PAPPA2: variants seen among roughly 807,000 people sequenced by gnomAD.
PAPPA2 encodes the protein pappalysin-2.
A neutral mutation model predicts 176.4 loss-of-function variants in PAPPA2; 86 were observed. The ratio of observed to expected loss-of-function variants is 0.49; its 90% CI spans 0.41 to 0.58. The LOEUF (loss-of-function observed/expected upper bound fraction) is 0.58. Ranked by LOEUF, PAPPA2 falls within the 20% of genes least tolerant of loss-of-function variation. PAPPA2 has a pLI of 0.00. For missense variants in PAPPA2, 2,073 were observed against 2,256.9 expected, an observed-to-expected ratio of 0.92 and a Z score of 1.65; for synonymous variants, 809 against 852.2, an observed-to-expected ratio of 0.95 and a Z score of 0.88.
rs1664141286 is a variant in PAPPA2 at position 176,769,774 on chromosome 1, C to T, written c.4491C>T (p.Ala1497=). ...KRCSISCVPP[A]KLQGLSPWLT... ...GCTCAATCTCTTGTGTCCCACCAGC[C>T]AAGCTGCAAGGTATTGTCTGGTCAA... Residue 1497 remains alanine, a synonymous_variant, in exon 16 of 23, where the codon GCC becomes GCT. Transcript: ENST00000367662. 1 of 1,606,650 alleles carries T rather than the reference C, an allele frequency of 6.2e-7. No homozygotes were observed. The highest frequency in any genetic ancestry group is 8.5e-7 in the Non-Finnish European group (1 of 1,177,536).
At chr1:176,547,074 C>T (rs935910167) in intron 1 of PAPPA2, among the ~76,000 whole-genome samples, 18 of 152,156 alleles carry the variant, frequency 1.2e-4, no homozygotes, top group African/African-American at 2.2e-4. Context: ...AATCCTCATG[C>T]GTGTCTCTAT....
chr1:176,600,960 T>G (rs1654286631), intron 3 of PAPPA2, among the ~76,000 whole-genome samples: 1 of 152,052 alleles, frequency 6.6e-6, no homozygotes, highest in South Asian at 2.1e-4. Flanking sequence ...CTTCCTGCTA[T>G]GGTTCCAATG....
intron 3 of PAPPA2, among the ~76,000 whole-genome samples, chr1:176,623,285 T>A (rs1655695888): frequency 6.6e-6 from 1 of 152,294 alleles, no homozygotes; most frequent in Non-Finnish European, 1.5e-5. Flanking sequence ...CTGAACGAAG[T>A]CTTTTTGGTC....
chr1:176,671,102 T>C lies in PAPPA2; in HGVS notation c.2124T>C (p.Ala708=). ...CCACCTGGCCTTGGGACAAGGACGC[T>C]GTCACTCACCTGGGTAAGTGAAATG... ...GAATWPWDKD[A]VTHLGGIVLS... The change falls in exon 4 of 23, where the codon GCT becomes GCC. Residue 708 remains alanine, a synonymous_variant. Coordinates refer to ENST00000367662, the MANE Select transcript of PAPPA2 (RefSeq NM_020318.3). 6.2e-7 allele frequency: 1 copy of C among 1,613,832 alleles called. No individual in the cohort carries two copies. The highest frequency in any genetic ancestry group is 1.1e-5 in the South Asian group (1 of 91,082).
intron 1 of PAPPA2, among the ~76,000 whole-genome samples, chr1:176,478,622 G>A (rs1652247079): frequency 1.3e-5 from 2 of 152,230 alleles, no homozygotes; most frequent in African/African-American, 4.8e-5. Flanking sequence ...TCTCAGTTGG[G>A]TTTGAGAATG....
intron 1 of PAPPA2, among the ~76,000 whole-genome samples, chr1:176,517,044 A>G (rs796950202): frequency 1.2e-4 from 19 of 152,322 alleles, no homozygotes; most frequent in African/African-American, 4.6e-4. Context: ...AATGTGACCA[A>G]TTTAACCTAC....
At chr1:176,470,195 C>T (rs114181759) in intron 1 of PAPPA2, among the ~76,000 whole-genome samples, 450 of 152,302 alleles carry the variant, frequency 3.0e-3, no homozygotes, top group Non-Finnish European at 5.1e-3. Flanking sequence ...CCAGGGTTTA[C>T]TGGTGGGGCT....
intron 21 of PAPPA2, among the ~76,000 whole-genome samples, chr1:176,837,495 A>C (rs1275200984): frequency 1.3e-5 from 2 of 152,010 alleles, no homozygotes; most frequent in Admixed American, 6.5e-5. Flanking sequence ...AAAAAAAAAA[A>C]AAAACGGGTG....
intron 5 of PAPPA2, among the ~76,000 whole-genome samples, 179 bp from the exon 6 acceptor site, chr1:176,691,947 C>A (rs1660136802): frequency 6.6e-6 from 1 of 152,170 alleles, no homozygotes; most frequent in Non-Finnish European, 1.5e-5. Context: ...CTTCTCTTAC[C>A]CTTTCCAGCT....
chr1:176,501,372 G>T (rs1047115985), intron 1 of PAPPA2, among the ~76,000 whole-genome samples: 4 of 152,032 alleles, frequency 2.6e-5, no homozygotes, highest in Non-Finnish European at 5.9e-5. Flanking sequence ...TATAAAATCT[G>T]TTATTACTAC....
chr1:176,660,777 C>A (rs898526094), intron 3 of PAPPA2, among the ~76,000 whole-genome samples: 4 of 151,982 alleles, frequency 2.6e-5, no homozygotes, highest in Admixed American at 2.0e-4. Flanking sequence ...TTCTTTTTTC[C>A]TGGTGAGCCC....
At chr1:176,657,534 G>T (rs1418159629) in intron 3 of PAPPA2, among the ~76,000 whole-genome samples, 1 of 152,028 alleles carries the variant, frequency 6.6e-6, no homozygotes, top group Non-Finnish European at 1.5e-5. Flanking sequence ...CTTACTAGAA[G>T]GGTGTGGTTG....
intron 21 of PAPPA2, among the ~76,000 whole-genome samples, chr1:176,831,462 C>T (rs913624250): frequency 7.2e-5 from 11 of 152,202 alleles, no homozygotes; most frequent in Non-Finnish European, 1.6e-4. Flanking sequence ...TGGTGTTTTT[C>T]TTGCACAAAT....
At chr1:176,774,950 A>G (rs1358083146) in intron 17 of PAPPA2, among the ~76,000 whole-genome samples, 3 of 152,134 alleles carry the variant, frequency 2.0e-5, no homozygotes, top group African/African-American at 4.8e-5. Context: ...CGTGGCAGTT[A>G]GGGCCTTCAG....
intron 1 of PAPPA2, among the ~76,000 whole-genome samples, chr1:176,554,733 T>C (rs1183356287): frequency 1.3e-5 from 2 of 152,212 alleles, no homozygotes; most frequent in Non-Finnish European, 2.9e-5. Flanking sequence ...AGGAGACCTA[T>C]GTAGTATGAA....
chr1:176,634,605 T>C (rs1193435724), intron 3 of PAPPA2, among the ~76,000 whole-genome samples: 1 of 150,720 alleles, frequency 6.6e-6, no homozygotes, highest in African/African-American at 2.4e-5. Flanking sequence ...TATATATATA[T>C]AAAATAAAAA....
chr1:176,596,261 C>T (rs1049781113), intron 3 of PAPPA2, among the ~76,000 whole-genome samples: 60 of 152,282 alleles, frequency 3.9e-4, no homozygotes, highest in African/African-American at 1.3e-3. Context: ...AGAATAAAAT[C>T]TGAACCCCCT....
intron 16 of PAPPA2, among the ~76,000 whole-genome samples, chr1:176,770,379 T>C (rs1018622838): frequency 6.6e-6 from 1 of 152,216 alleles, no homozygotes; most frequent in African/African-American, 2.4e-5. Context: ...CCATGAATTG[T>C]ACTAAGGCAT....
intron 21 of PAPPA2, among the ~76,000 whole-genome samples, chr1:176,809,518 A>T (rs905796187): frequency 6.6e-6 from 1 of 152,044 alleles, no homozygotes; most frequent in African/African-American, 2.4e-5. Flanking sequence ...TATATTCCAG[A>T]TGGTAGCCCT....
Sources: gnomAD v4.1 joint callset for allele counts (sites outside exome capture counted in the v4.1 genomes callset) on GRCh38, gnomAD v4.1.1 for gene constraint, MANE v1.5 for transcripts, NCBI Gene and HGNC (gene_info 2026-07-23, HGNC 2026-07-21) for gene names.